The following CDS2 variants were observed in gnomAD, a reference collection of about 807,000 sequenced individuals.
The protein encoded by CDS2 is phosphatidate cytidylyltransferase 2.
Under a neutral mutation model 59.0 loss-of-function variants are expected in CDS2, and 47 were observed. The ratio of observed to expected loss-of-function variants is 0.80; its 90% CI spans 0.63 to 1.02. The LOEUF (loss-of-function observed/expected upper bound fraction) is 1.02, where lower values mean the gene tolerates loss of function less well. CDS2 is among the 50% of genes least tolerant of loss of function. The probability of loss-of-function intolerance (pLI) is 0.00; values close to 1 mark genes in which losing one functional copy is unlikely to be tolerated. For missense variants in CDS2, 356 were observed against 558.9 expected (o/e 0.64, Z 3.66); for synonymous variants, 207 against 206.4 (o/e 1.00, Z -0.02).
rs1459486280 is a variant in CDS2, at chr20:5,133,271, G to A, written c.57+6122G>A. Among the ~76,000 whole-genome samples the A allele has an allele frequency of 3.3e-5, 5 of 152,082 alleles. No homozygotes were observed. The East Asian group carries it at 7.7e-4, about 23-fold the overall frequency. On this transcript the variant is annotated intron_variant, in intron 1 of 12. Coordinates refer to ENST00000460006, the MANE Select transcript of CDS2 (RefSeq NM_003818.4). ...CTTTAAAGGTGTTTTTTATTTTTAG[G>A]AACAGGGTCTCACCTTGTTGCCCAG...
At chr20:5,176,805 A>G in intron 4 of CDS2, 60 bp downstream of exon 4, 2 of 1,146,228 alleles carry the variant, frequency 1.7e-6, no homozygotes, top group South Asian at 2.4e-5. Flanking sequence ...TGTGGCAGGT[A>G]CTTACAGTGA....
intron 1 of CDS2, among the ~76,000 whole-genome samples, chr20:5,130,204 A>T (rs950325727): frequency 6.6e-6 from 1 of 151,258 alleles, no homozygotes; most frequent in African/African-American, 2.4e-5. Flanking sequence ...CGAACTCCTG[A>T]CCTCAGGTGA....
chr20:5,190,015 C>T, intron 12 of CDS2, 87 bp from the exon 13 acceptor site: 1 of 1,533,870 alleles, frequency 6.5e-7, no homozygotes, highest in Non-Finnish European at 8.9e-7. Context: ...ACTCTCTGAT[C>T]CAGAGATCAG....
In CDS2 at chr20:5,189,203, AC is replaced by A; in HGVS notation, c.1101+18del. On this transcript the variant is annotated intron_variant, in intron 11 of 12. Coordinates refer to ENST00000460006, the MANE Select transcript of CDS2 (RefSeq NM_003818.4). ...AAAATCAAAGTAGGAAAACCGTCTT[AC>A]GTTCCTCTCATCTCACTCCCTCACC... The A allele has an allele frequency of 6.2e-7, 1 of 1,613,918 alleles. No individual in the cohort carries two copies. Among genetic ancestry groups the A allele is most frequent in the Non-Finnish European group, 8.5e-7 (1 of 1,179,840 alleles).
intron 1 of CDS2, among the ~76,000 whole-genome samples, chr20:5,136,217 G>C (rs1171855209): frequency 6.6e-6 from 1 of 152,146 alleles, no homozygotes; most frequent in Non-Finnish European, 1.5e-5. Context: ...ATTCCTAGGT[G>C]CATGCCCTTC....
chr20:5,161,958 G>T (rs890512913), intron 1 of CDS2, among the ~76,000 whole-genome samples: 2 of 152,188 alleles, frequency 1.3e-5, no homozygotes, highest in African/African-American at 4.8e-5. Context: ...TGAACTGCTT[G>T]TACCATCTTG....
chr20:5,133,131 C>A (rs1041414292), intron 1 of CDS2, among the ~76,000 whole-genome samples: 10 of 152,088 alleles, frequency 6.6e-5, no homozygotes, highest in African/African-American at 2.4e-4. Context: ...GCCGAGATCC[C>A]ACCACTGCAC....
In CDS2 at chr20:5,143,755, T is replaced by TTTC. The variant is rs554199056; in HGVS notation, c.57+16618_57+16620dup. 5.5e-3 allele frequency among the ~76,000 whole-genome samples: 811 copies of TTTC among 146,422 alleles called. 23 individuals are homozygous for TTTC. The highest frequency in any genetic ancestry group is 0.019 in the African/African-American group (714 of 37,702). The stretch of plus-strand genomic sequence containing the variant: ...GTCTCTGCTTTCAGTTCTTTTTCTT[T>TTTC]TTCTTCTTCTTCTTTTTTTTTTTTT... On this transcript the variant is annotated intron_variant, in intron 1 of 12. Transcript: ENST00000460006.
intron 1 of CDS2, among the ~76,000 whole-genome samples, chr20:5,157,460 G>A (rs573279927): frequency 6.6e-6 from 1 of 152,280 alleles, no homozygotes; most frequent in South Asian, 2.1e-4. Flanking sequence ...ATTGGCATAG[G>A]AGAGCACTGG....
chr20:5,184,909 GT>G lies in CDS2; in HGVS notation c.726del (p.Phe242LeufsTer39). The G allele has an allele frequency of 1.2e-6, 2 of 1,613,988 alleles. No individual in the cohort carries two copies. The highest frequency in any genetic ancestry group is 1.7e-6 in the Non-Finnish European group (2 of 1,179,942). On this transcript the variant is annotated frameshift_variant, in exon 8 of 13. Coordinates refer to ENST00000460006, the MANE Select transcript of CDS2 (RefSeq NM_003818.4). LOFTEE classifies it high-confidence loss of function. This position sits in a 1 kb window ranked among gnomAD's most constrained non-coding sequence, Gnocchi z 4.3. ...TCTGTAATGACATCATGGCCTATATGTTTGGCTTTTTCTTTGGTCGGACCCC... is the reference window on the plus strand; with the variant it reads ...TCTGTAATGACATCATGGCCTATATGTTGGCTTTTTCTTTGGTCGGACCCC... ...VICNDIMAYM[F>X]GFFFGRTPLI...
At chr20:5,182,683 G>T (rs190071734) in intron 6 of CDS2, among the ~76,000 whole-genome samples, 2 of 152,340 alleles carry the variant, frequency 1.3e-5, no homozygotes, top group Non-Finnish European at 2.9e-5. Flanking sequence ...CCTGAGGTGG[G>T]CTCCAGAGAA....
At chr20:5,183,785 T>G (rs934232219) in intron 7 of CDS2, among the ~76,000 whole-genome samples, 1 of 152,222 alleles carries the variant, frequency 6.6e-6, no homozygotes, top group Non-Finnish European at 1.5e-5. Context: ...CGAGTGGATT[T>G]TATTCCAAAA....
intron 1 of CDS2, among the ~76,000 whole-genome samples, chr20:5,144,444 G>A (rs967406998): frequency 1.3e-5 from 2 of 152,104 alleles, no homozygotes; most frequent in African/African-American, 4.8e-5. Flanking sequence ...TAATGAGGTC[G>A]CCTTAGTGTT....
At chr20:5,188,106 C>T (rs2091083927) in intron 10 of CDS2, among the ~76,000 whole-genome samples, 2 of 151,536 alleles carry the variant, frequency 1.3e-5, no homozygotes, top group African/African-American at 4.9e-5. Context: ...AAAACACAAA[C>T]ATATTTGACA....
In CDS2 at chr20:5,151,558, C is replaced by T. The variant is rs117308451; in HGVS notation, c.58-21965C>T. Reference sequence around the variant, plus strand: ...GGAGGATTGCTTAAGCCCAAGAGTTCGAGTCCAGCTTGGTAAGATAGCAGG... The same window carrying T: ...GGAGGATTGCTTAAGCCCAAGAGTTTGAGTCCAGCTTGGTAAGATAGCAGG... On this transcript the variant is annotated intron_variant, in intron 1 of 12. Transcript: ENST00000460006. 4.6e-4 allele frequency among the ~76,000 whole-genome samples: 70 copies of T among 151,792 alleles called. 2 individuals carry two copies. In the East Asian group the frequency reaches 0.013, roughly 27 times the overall value.
intron 9 of CDS2, 146 bp downstream of exon 9, chr20:5,185,972 C>A: frequency 1.4e-6 from 1 of 721,678 alleles, no homozygotes; most frequent in Non-Finnish European, 2.3e-6. Flanking sequence ...GGGCCACTGG[C>A]CATGCCAGCC....
At chr20:5,173,696 C>T (rs1026898279) in intron 2 of CDS2, 37 bp downstream of exon 2, 4 of 1,610,204 alleles carry the variant, frequency 2.5e-6, no homozygotes, top group Non-Finnish European at 3.4e-6. Flanking sequence ...TTGTTGGGGG[C>T]TTTGCACCAT....
chr20:5,182,896 A>G (rs1332069459), intron 6 of CDS2, among the ~76,000 whole-genome samples, 165 bp from the exon 7 acceptor site: 1 of 152,192 alleles, frequency 6.6e-6, no homozygotes, highest in Admixed American at 6.5e-5. Context: ...ACAAAGTATT[A>G]CTCTCAGAAG....
At chr20:5,133,501 A>G (rs779863344) in intron 1 of CDS2, among the ~76,000 whole-genome samples, 6 of 151,894 alleles carry the variant, frequency 4.0e-5, no homozygotes, top group Non-Finnish European at 8.8e-5. Flanking sequence ...GGTTAGATAC[A>G]GAATGGTTCG....
Sources: allele counts gnomAD v4.1 joint callset (sites outside exome capture counted in the v4.1 genomes callset), GRCh38; gene constraint gnomAD v4.1.1; non-coding constraint Gnocchi (gnomAD v3.1); transcripts MANE v1.5; gene names NCBI Gene and HGNC (gene_info 2026-07-23, HGNC 2026-07-21).